Variants in DARS1 observed in about 807,000 individuals in gnomAD.
DARS1 encodes aspartate--tRNA ligase, cytoplasmic.
A neutral mutation model predicts 68.8 loss-of-function variants in DARS1; 51 were observed. The ratio of observed to expected loss-of-function variants is 0.74; its 90% CI spans 0.59 to 0.94. The LOEUF (loss-of-function observed/expected upper bound fraction) is 0.94, where lower values mean the gene tolerates loss of function less well. Among genes scored for constraint, DARS1 ranks in the 40% least tolerant of loss-of-function variants. The pLI, the probability that DARS1 is intolerant of heterozygous loss-of-function variation, is 0.00. For missense variants in DARS1, 607 were observed against 597.3 expected, an observed-to-expected ratio of 1.02 and a Z score of -0.17; for synonymous variants, 203 against 190.4, an observed-to-expected ratio of 1.07 and a Z score of -0.55.
At chr2:135,922,402 T>A (rs925959406) in intron 9 of DARS1, among the ~76,000 whole-genome samples, 3 of 152,192 alleles carry the variant, frequency 2.0e-5, no homozygotes, top group African/African-American at 7.2e-5. Context: ...CTAACTGCAC[T>A]GAGGTATATT....
intron 2 of DARS1, among the ~76,000 whole-genome samples, chr2:135,980,869 T>C (rs1195439351): frequency 3.9e-5 from 6 of 152,236 alleles, no homozygotes; most frequent in African/African-American, 1.2e-4. Flanking sequence ...TCTTCTTTCT[T>C]GTGGCATGGC....
chr2:135,913,292 T>A (rs1172175906), intron 12 of DARS1, among the ~76,000 whole-genome samples: 1 of 152,130 alleles, frequency 6.6e-6, no homozygotes, highest in Non-Finnish European at 1.5e-5. Context: ...TTGAAAAACA[T>A]GGATTATCTT....
intron 8 of DARS1, 87 bp downstream of exon 8, chr2:135,924,300 C>A: frequency 7.3e-6 from 10 of 1,377,968 alleles, no homozygotes; most frequent in Non-Finnish European, 4.8e-6. Flanking sequence ...ACTTGGGATT[C>A]TCAAGTTAAA....
At chr2:135,963,884 T>C (rs1421676320) in intron 3 of DARS1, among the ~76,000 whole-genome samples, 1 of 151,712 alleles carries the variant, frequency 6.6e-6, no homozygotes, top group African/African-American at 2.4e-5. Context: ...CTTCACCATA[T>C]TGGTCAGGCT....
chr2:135,916,961 A>C (rs1003421108), intron 10 of DARS1, among the ~76,000 whole-genome samples: 54 of 152,098 alleles, frequency 3.6e-4, no homozygotes, highest in African/African-American at 1.3e-3. Context: ...CTTTGGGAGG[A>C]GGATCACTTG....
intron 4 of DARS1, among the ~76,000 whole-genome samples, 175 bp downstream of exon 4, chr2:135,961,221 A>G (rs556394594): frequency 2.6e-5 from 4 of 152,214 alleles, no homozygotes; most frequent in Non-Finnish European, 5.9e-5. Flanking sequence ...CCTGTGCTCC[A>G]TATTTTCTCT....
At chr2:135,946,574 T>C (rs989697535) in intron 4 of DARS1, among the ~76,000 whole-genome samples, 2 of 152,192 alleles carry the variant, frequency 1.3e-5, no homozygotes, top group Non-Finnish European at 2.9e-5. Context: ...CATATCACAC[T>C]TTGGAGAGCA....
chr2:135,950,247 A>G (rs894065225), intron 4 of DARS1, among the ~76,000 whole-genome samples: 7 of 152,240 alleles, frequency 4.6e-5, no homozygotes, highest in African/African-American at 1.7e-4. Context: ...TTGAAAATAA[A>G]CAAATAGTCC....
At chr2:135,907,467 G>T (rs1374436415) in intron 15 of DARS1, 60 bp from the exon 16 acceptor site, 1 of 1,100,784 alleles carries the variant, frequency 9.1e-7, no homozygotes, top group Admixed American at 2.0e-5. Flanking sequence ...GTCTTACTTA[G>T]AACTACAAAC....
rs977158903 is a variant in DARS1, at chr2:135,968,195, T to C, written c.218-6697A>G. 2.0e-5 allele frequency among the ~76,000 whole-genome samples: 3 copies of C among 152,040 alleles called. No homozygotes were observed. In the South Asian group the frequency reaches 6.2e-4, roughly 32 times the overall value. ...AGGAGAATCACTTGAACCCGGCAGG[T>C]GGAGGTTGCAGTGAGTTGAGATCAT... is the stretch of plus-strand genomic sequence containing the variant. On this transcript the variant is annotated intron_variant, in intron 3 of 15. Coordinates refer to ENST00000264161, the MANE Select transcript of DARS1 (RefSeq NM_001349.4).
chr2:135,931,113 A>G (rs1291421903), intron 7 of DARS1, among the ~76,000 whole-genome samples: 2 of 152,232 alleles, frequency 1.3e-5, no homozygotes, highest in East Asian at 1.9e-4. Context: ...GACGGAGGAT[A>G]TATCTTAGAA....
chr2:135,942,673 T>C (rs567788688), intron 5 of DARS1, among the ~76,000 whole-genome samples: 3 of 151,970 alleles, frequency 2.0e-5, no homozygotes, highest in South Asian at 2.1e-4. Context: ...AAAGTAAAAA[T>C]GGAAACTGAA....
chr2:135,939,322 C>G (rs547724374), intron 5 of DARS1, among the ~76,000 whole-genome samples: 10 of 152,200 alleles, frequency 6.6e-5, no homozygotes, highest in South Asian at 4.1e-4. Context: ...TCAGACCACA[C>G]TGCAATCAAA....
chr2:135,962,586 A>G (rs1682124503), intron 3 of DARS1, among the ~76,000 whole-genome samples: 2 of 152,248 alleles, frequency 1.3e-5, no homozygotes, highest in Non-Finnish European at 2.9e-5. Context: ...TCACAAGTTA[A>G]AAAAGACAGG....
At chr2:135,952,955 C>T (rs1241740072) in intron 4 of DARS1, among the ~76,000 whole-genome samples, 2 of 152,120 alleles carry the variant, frequency 1.3e-5, no homozygotes, top group Non-Finnish European at 2.9e-5. Flanking sequence ...GCCGCCATAC[C>T]GTTTTCCATA....
chr2:135,961,131 G>A (rs1682091065), intron 4 of DARS1, among the ~76,000 whole-genome samples: 1 of 152,104 alleles, frequency 6.6e-6, no homozygotes, highest in Non-Finnish European at 1.5e-5. Context: ...AGGCTGCCAG[G>A]CTTTTTGTTA....
At chr2:135,961,931 C>CA (rs1199007523) in intron 3 of DARS1, among the ~76,000 whole-genome samples, 1 of 152,194 alleles carries the variant, frequency 6.6e-6, no homozygotes, top group Non-Finnish European at 1.5e-5. Flanking sequence ...AAAGTGCTAA[C>CA]ACAGTGCTTA....
At chr2:135,908,718 A>C (rs1680836546) in intron 15 of DARS1, among the ~76,000 whole-genome samples, 1 of 152,154 alleles carries the variant, frequency 6.6e-6, no homozygotes, top group African/African-American at 2.4e-5. Context: ...TCTTCTTTTG[A>C]GAAGTGTCTG....
chr2:135,977,605 A>C (rs1682530296), intron 3 of DARS1, among the ~76,000 whole-genome samples: 1 of 152,214 alleles, frequency 6.6e-6, no homozygotes. Flanking sequence ...AATGTGACTG[A>C]CTATTGGCAG....
Sources: gnomAD v4.1 joint callset for allele counts (sites outside exome capture counted in the v4.1 genomes callset) on GRCh38, gnomAD v4.1.1 for gene constraint, MANE v1.5 for transcripts, NCBI Gene and HGNC (gene_info 2026-07-23, HGNC 2026-07-21) for gene names.